The following DPF3 variants were observed in gnomAD, a reference collection of about 807,000 sequenced individuals.
The protein encoded by DPF3 is zinc finger protein DPF3.
In DPF3, 18 loss-of-function variants were observed where a neutral mutation model predicts 56.8. The ratio of observed to expected loss-of-function variants is 0.32; its 90% CI spans 0.22 to 0.47. DPF3 has a LOEUF of 0.47. Among genes scored for constraint, DPF3 ranks in the 20% least tolerant of loss-of-function variants. The pLI, the probability that DPF3 is intolerant of heterozygous loss-of-function variation, is 1.00. For missense variants in DPF3, 403 were observed against 488.8 expected, an observed-to-expected ratio of 0.82 and a Z score of 1.65; for synonymous variants, 188 against 180.2, an observed-to-expected ratio of 1.04 and a Z score of -0.35.
At chr14:72,718,088 C>A (rs1368926196) in intron 5 of DPF3, among the ~76,000 whole-genome samples, 1 of 152,116 alleles carries the variant, frequency 6.6e-6, no homozygotes, top group Non-Finnish European at 1.5e-5. Flanking sequence ...CATTCAGGAG[C>A]CTTATGGGGC....
At chr14:72,619,432 C>T in intron 10 of DPF3, 65 bp from the exon 11 acceptor site, 1 of 1,495,926 alleles carries the variant, frequency 6.7e-7, no homozygotes. Context: ...ACCCCACTGG[C>T]CCTAACTTCT....
At position 72,731,893 on chromosome 14, in the gene DPF3, T is replaced by C; in HGVS notation, c.343A>G (p.Ser115Gly). Residue 115 changes from serine (S) to glycine (G), a missense_variant, in exon 4 of 11, where the codon AGC becomes GGC. By Grantham distance (56) the Ser-to-Gly change is moderately conservative (BLOSUM62 0). Around this residue, in one of 2 missense-constraint regions of DPF3, gnomAD observed 340 missense variants for 374.3 expected, o/e 0.91. Coordinates refer to ENST00000556509, the MANE Select transcript of DPF3 (RefSeq NM_001280542.3). ...PLKKDGFTSE[S>G]TTLEALLRGE... is the part of the protein sequence containing the mutation. ...CGGAGCAAGGCTTCCAGCGTGGTGC[T>C]CTCTGAGGTGAACCCATCCTTCTTC... 1 of 1,604,950 alleles carries C rather than the reference T, an allele frequency of 6.2e-7. No homozygotes were observed. The highest frequency in any genetic ancestry group is 8.5e-7 in the Non-Finnish European group (1 of 1,175,722).
In DPF3 at chr14:72,791,539, T is replaced by C. The variant is rs543479302; in HGVS notation, c.33-19646A>G. 4.2e-3 allele frequency among the ~76,000 whole-genome samples: 642 copies of C among 152,316 alleles called. 4 individuals carry two copies. Among genetic ancestry groups the C allele is most frequent in the Non-Finnish European group, 6.3e-3 (432 of 68,032 alleles). On this transcript the variant is annotated intron_variant, in intron 1 of 10. Transcript: ENST00000556509. The stretch of plus-strand genomic sequence containing the variant: ...AGAAAGCAGAGAGCATCGGGTCCAA[T>C]GCAGGGGTCCCCTATGCTCGGAGCT...
chr14:72,839,020 A>C (rs1250289572), intron 1 of DPF3, among the ~76,000 whole-genome samples: 6 of 146,122 alleles, frequency 4.1e-5, no homozygotes, highest in South Asian at 2.1e-4. Context: ...TCCCGGGCTC[A>C]AGCAATTTTT....
intron 1 of DPF3, among the ~76,000 whole-genome samples, chr14:72,832,161 G>A (rs1209185327): frequency 6.6e-6 from 1 of 152,090 alleles, no homozygotes; most frequent in African/African-American, 2.4e-5. Flanking sequence ...AGGCTGCAAT[G>A]AGCTATGATT....
intron 8 of DPF3, among the ~76,000 whole-genome samples, chr14:72,665,520 A>G (rs1176126660): frequency 3.3e-5 from 5 of 152,254 alleles, no homozygotes; most frequent in Non-Finnish European, 5.9e-5. Context: ...ATCATTTCTA[A>G]GGTATTCTAA....
In DPF3 at chr14:72,615,681, C is replaced by T. The variant is rs375227661; in HGVS notation, c.*3616G>A. 2.6e-5 allele frequency among the ~76,000 whole-genome samples: 4 copies of T among 152,330 alleles called. No individual in the cohort carries two copies. In the East Asian group the frequency reaches 5.8e-4, roughly 22 times the overall value. On this transcript the variant is annotated 3_prime_UTR_variant, in exon 11 of 11. Coordinates refer to ENST00000556509, the MANE Select transcript of DPF3 (RefSeq NM_001280542.3). ...TGCCCAGGCTTCCGGCTTCCTACCT[C>T]GCCCTGGGGCAGGGACAGGAGCAGG...
intron 9 of DPF3, among the ~76,000 whole-genome samples, chr14:72,627,244 A>G (rs2153566680): frequency 6.6e-6 from 1 of 152,160 alleles, no homozygotes; most frequent in African/African-American, 2.4e-5. Context: ...ATTAAAGAGG[A>G]ATTTACTTGT....
At chr14:72,672,050 C>CAT (rs1886703903) in intron 8 of DPF3, among the ~76,000 whole-genome samples, 1 of 123,340 alleles carries the variant, frequency 8.1e-6, no homozygotes, top group African/African-American at 3.3e-5. Flanking sequence ...CACACACACA[C>CAT]ACACACACAG....
chr14:72,709,934 T>G (rs1247735725), intron 6 of DPF3, among the ~76,000 whole-genome samples: 1 of 152,200 alleles, frequency 6.6e-6, no homozygotes, highest in Non-Finnish European at 1.5e-5. Context: ...AAAGAAAACT[T>G]CCTACACTGC....
At chr14:72,864,345 A>G (rs1885576025) in intron 1 of DPF3, among the ~76,000 whole-genome samples, 1 of 151,982 alleles carries the variant, frequency 6.6e-6, no homozygotes, top group Admixed American at 6.6e-5. Context: ...ACGTGTCCCT[A>G]CTTTGCTTTA....
At chr14:72,762,389 A>G (rs1244939423) in intron 2 of DPF3, among the ~76,000 whole-genome samples, 1 of 151,942 alleles carries the variant, frequency 6.6e-6, no homozygotes, top group Non-Finnish European at 1.5e-5. Context: ...AACATTCAGA[A>G]ATCAATCAAT....
At position 72,620,240 on chromosome 14, in the gene DPF3, C is replaced by T. The variant is rs142939948; in HGVS notation, c.985-256G>A. Among the ~76,000 whole-genome samples, 750 of 152,304 alleles carry T rather than the reference C, an allele frequency of 4.9e-3. 12 individuals carry two copies. The highest frequency in any genetic ancestry group is 0.017 in the African/African-American group (720 of 41,576). On this transcript the variant is annotated intron_variant, in intron 9 of 10. Transcript: ENST00000556509. ...TGCTCAACTCGTACCTCCTCCAAGA[C>T]GCCTTCTGTGACTAACACCTCACAT... is the stretch of plus-strand genomic sequence containing the variant.
intron 7 of DPF3, among the ~76,000 whole-genome samples, chr14:72,687,819 A>G (rs1887477059): frequency 6.6e-6 from 1 of 152,116 alleles, no homozygotes; most frequent in East Asian, 1.9e-4. Flanking sequence ...GCTTTGTAAG[A>G]CCCAGACTGC....
intron 1 of DPF3, chr14:72,773,876 A>G: frequency 2.2e-6 from 1 of 455,726 alleles, no homozygotes; most frequent in Non-Finnish European, 4.4e-6. Flanking sequence ...CATTGTATGC[A>G]TATACCACAT....
intron 3 of DPF3, among the ~76,000 whole-genome samples, chr14:72,745,818 G>A (rs1053590645): frequency 6.6e-6 from 1 of 152,110 alleles, no homozygotes; most frequent in Non-Finnish European, 1.5e-5. Flanking sequence ...CTCTCCTTGA[G>A]CCCAAATCAA....
chr14:72,641,536 G>A (rs1347807051), intron 8 of DPF3, among the ~76,000 whole-genome samples: 1 of 152,198 alleles, frequency 6.6e-6, no homozygotes, highest in Non-Finnish European at 1.5e-5. Flanking sequence ...ACAAGGCTGG[G>A]GCAGGTCCTG....
At chr14:72,890,319 G>A (rs769718036) in intron 1 of DPF3, among the ~76,000 whole-genome samples, 7 of 151,904 alleles carry the variant, frequency 4.6e-5, no homozygotes, top group South Asian at 2.1e-4. Flanking sequence ...GAGAAACCCC[G>A]TCTCCACTAA....
chr14:72,872,603 C>T (rs1213692805), intron 1 of DPF3, among the ~76,000 whole-genome samples: 6 of 152,104 alleles, frequency 3.9e-5, no homozygotes, highest in African/African-American at 1.2e-4. Context: ...AAAAAGAGCC[C>T]GCATTGCCAA....
Sources: allele counts gnomAD v4.1 joint callset (sites outside exome capture counted in the v4.1 genomes callset), GRCh38; gene constraint gnomAD v4.1.1; regional missense constraint gnomAD v4.1.1; transcripts MANE v1.5; gene names NCBI Gene and HGNC (gene_info 2026-07-23, HGNC 2026-07-21).